Variants in UGCG observed in about 807,000 individuals in gnomAD.
The protein encoded by UGCG is ceramide glucosyltransferase.
Under a neutral mutation model 49.5 loss-of-function variants are expected in UGCG, and 10 were observed. The ratio of observed to expected loss-of-function variants is 0.20; its 90% confidence interval spans 0.12 to 0.34. The LOEUF (loss-of-function observed/expected upper bound fraction) is 0.34, where lower values mean the gene tolerates loss of function less well. UGCG is among the 10% of genes least tolerant of loss of function. The probability of loss-of-function intolerance (pLI) is 1.00; values close to 1 mark genes in which losing one functional copy is unlikely to be tolerated. For missense variants in UGCG, 312 were observed against 483.7 expected (o/e 0.65, Z 3.33); for synonymous variants, 182 against 158.2 (o/e 1.15, Z -1.13).
intron 1 of UGCG, among the ~76,000 whole-genome samples, chr9:111,914,331 C>T (rs777327493): frequency 4.6e-5 from 7 of 152,154 alleles, no homozygotes; most frequent in Non-Finnish European, 8.8e-5. Context: ...TGTCTTGGGT[C>T]ACATATAAAA....
chr9:111,910,748 GT>G (rs1257368539), intron 1 of UGCG, among the ~76,000 whole-genome samples: 1 of 146,256 alleles, frequency 6.8e-6, no homozygotes, highest in African/African-American at 2.4e-5. Context: ...TTTCTTTTTT[GT>G]TTTTGTTTTT....
At chr9:111,911,952 A>C (rs187555384) in intron 1 of UGCG, among the ~76,000 whole-genome samples, 1 of 41,458 alleles carries the variant, frequency 2.4e-5, no homozygotes, top group South Asian at 6.6e-4. Context: ...ATATATATAT[A>C]TATATTCAAC....
intron 1 of UGCG, among the ~76,000 whole-genome samples, chr9:111,905,851 T>G (rs1837872677): frequency 6.6e-6 from 1 of 152,218 alleles, no homozygotes; most frequent in Non-Finnish European, 1.5e-5. Flanking sequence ...TACCTTACGG[T>G]GGATGGCTTC....
At chr9:111,898,719 G>A (rs1837712371) in intron 1 of UGCG, among the ~76,000 whole-genome samples, 1 of 151,868 alleles carries the variant, frequency 6.6e-6, no homozygotes, top group Non-Finnish European at 1.5e-5. Flanking sequence ...AGAGAGAGAT[G>A]GAGAAAATTA....
intron 1 of UGCG, among the ~76,000 whole-genome samples, chr9:111,906,104 C>T (rs1464746564): frequency 6.6e-6 from 1 of 152,162 alleles, no homozygotes; most frequent in East Asian, 1.9e-4. Context: ...CTGGTTTATT[C>T]ACTTGTGATC....
chr9:111,903,707 T>C (rs1156735966), intron 1 of UGCG, among the ~76,000 whole-genome samples: 2 of 151,438 alleles, frequency 1.3e-5, no homozygotes, highest in Non-Finnish European at 2.9e-5. Flanking sequence ...GCAGTCCTCC[T>C]ACCTCAGCCT....
intron 1 of UGCG, among the ~76,000 whole-genome samples, chr9:111,911,225 C>A (rs569823182): frequency 2.6e-5 from 4 of 152,118 alleles, no homozygotes; most frequent in Non-Finnish European, 4.4e-5. Context: ...ATCTCCAGGT[C>A]ACCAGTAGAT....
At position 111,921,802 on chromosome 9, in the gene UGCG, A is replaced by ATTTTTTTTTTTTTTTTTTTTTTTTTTT. The variant is rs71373800; in HGVS notation, c.241-1021_241-1020insTTTTTTTTTTTTTTTTTTTTTTTTTTT. ...TTTTTAAAATAAATGCCCCAGGGTG[A>ATTTTTTTTTTTTTTTTTTTTTTTTTTT]TTTTTTTTTTTTTTTTTTTTTTTTT... On this transcript the variant is annotated intron_variant, in intron 2 of 8. Transcript: ENST00000374279. Among the ~76,000 whole-genome samples, 28 of 55,534 alleles carry ATTTTTTTTTTTTTTTTTTTTTTTTTTT rather than the reference A, an allele frequency of 5.0e-4. 6 individuals are homozygous for ATTTTTTTTTTTTTTTTTTTTTTTTTTT. The highest frequency in any genetic ancestry group is 1.6e-3 in the East Asian group (2 of 1,242). The allele number at this position is 55,534 out of a possible 152,430, so 36.4% of individuals were successfully genotyped here.
rs570946786 is a variant in UGCG, at chr9:111,934,533, C to T, written c.*1536C>T. On this transcript the variant is annotated 3_prime_UTR_variant, in exon 9 of 9. Coordinates refer to ENST00000374279, the MANE Select transcript of UGCG (RefSeq NM_003358.3). Reference sequence around the variant, plus strand: ...TTCTGAGTTACTACAGTCTCCATGTCAAAGCATAATGTGTAGCATATCAGC... The same window carrying T: ...TTCTGAGTTACTACAGTCTCCATGTTAAAGCATAATGTGTAGCATATCAGC... The T allele has an allele frequency of 6.6e-6, 1 of 152,224 alleles. No homozygotes were observed. The highest frequency in any genetic ancestry group is 1.9e-4 in the East Asian group (1 of 5,190). The allele number at this position is 152,224 out of a possible 1,614,324, so 9.4% of individuals were successfully genotyped here.
intron 2 of UGCG, among the ~76,000 whole-genome samples, chr9:111,921,566 G>A (rs1030272067): frequency 6.6e-6 from 1 of 151,040 alleles, no homozygotes; most frequent in South Asian, 2.1e-4. Flanking sequence ...CAGGCGAATC[G>A]ATTGAACCTG....
intron 1 of UGCG, among the ~76,000 whole-genome samples, chr9:111,914,305 T>C (rs113851657): frequency 1.3e-5 from 2 of 152,316 alleles, no homozygotes; most frequent in Admixed American, 6.5e-5. Flanking sequence ...CTTGGTCGTA[T>C]TGGAAGAAGA....
At chr9:111,902,997 T>G (rs1837808092) in intron 1 of UGCG, among the ~76,000 whole-genome samples, 1 of 152,096 alleles carries the variant, frequency 6.6e-6, no homozygotes, top group Admixed American at 6.5e-5. Flanking sequence ...AGTCTGGTCT[T>G]GAACTCCTGG....
At chr9:111,929,339 A>T in intron 5 of UGCG, 161 bp from the exon 6 acceptor site, 1 of 643,810 alleles carries the variant, frequency 1.6e-6, no homozygotes, top group Middle Eastern at 4.4e-4. Flanking sequence ...TGCTCTATGA[A>T]AGCAATATTG....
rs76209240 is a variant in UGCG at position 111,916,227 on chromosome 9, A to G, written c.240+1481A>G. ...AAAGGAGAATTAATGTTTACGAATGAAAGAAATTTTCTATTGATTATGAAT... is the reference window on the plus strand; with the variant it reads ...AAAGGAGAATTAATGTTTACGAATGGAAGAAATTTTCTATTGATTATGAAT... On this transcript the variant is annotated intron_variant, in intron 2 of 8. Transcript: ENST00000374279. Among the ~76,000 whole-genome samples the G allele has an allele frequency of 2.1e-3, 324 of 152,322 alleles. 7 individuals are homozygous for G. The East Asian group carries it at 0.038, about 18-fold the overall frequency.
At chr9:111,911,743 A>T (rs908690097) in intron 1 of UGCG, among the ~76,000 whole-genome samples, 2 of 151,258 alleles carry the variant, frequency 1.3e-5, no homozygotes, top group African/African-American at 2.4e-5. Context: ...ATAAAAAAAT[A>T]AAAAAATTAG....
chr9:111,932,702 C>T, intron 8 of UGCG, 125 bp from the exon 9 acceptor site: 1 of 898,242 alleles, frequency 1.1e-6, no homozygotes, highest in Non-Finnish European at 1.6e-6. Context: ...AGTTAAATTA[C>T]ATAAGGAAGC....
At chr9:111,931,220 C>G (rs1838419109) in intron 6 of UGCG, 51 bp from the exon 7 acceptor site, 4 of 1,558,046 alleles carry the variant, frequency 2.6e-6, no homozygotes, top group Non-Finnish European at 3.5e-6. Context: ...ACCAGTTACG[C>G]TTGCATGTGT....
chr9:111,920,165 A>G (rs1455753378), intron 2 of UGCG, among the ~76,000 whole-genome samples: 1 of 152,160 alleles, frequency 6.6e-6, no homozygotes, highest in Non-Finnish European at 1.5e-5. Flanking sequence ...TTCGTCAGTC[A>G]TCATTAGAGG....
chr9:111,931,814 C>T (rs550560840), intron 7 of UGCG, among the ~76,000 whole-genome samples: 1 of 152,076 alleles, frequency 6.6e-6, no homozygotes, highest in East Asian at 1.9e-4. Context: ...ACTGCTTGAG[C>T]CCAGGAGTTT....
Sources: allele counts gnomAD v4.1 joint callset (sites outside exome capture counted in the v4.1 genomes callset), GRCh38; gene constraint gnomAD v4.1.1; transcripts MANE v1.5; gene names NCBI Gene and HGNC (gene_info 2026-07-23, HGNC 2026-07-21).